The following FSTL5 variants were observed in gnomAD, a reference collection of about 807,000 sequenced individuals.
The protein encoded by FSTL5 is follistatin-related protein 5.
A neutral mutation model predicts 89.1 loss-of-function variants in FSTL5; 62 were observed. The ratio of observed to expected loss-of-function variants is 0.70; its 90% CI spans 0.57 to 0.86. The LOEUF is 0.86. FSTL5 is among the 40% of genes least tolerant of loss of function. The probability of loss-of-function intolerance (pLI) is 0.00; values close to 1 mark genes in which losing one functional copy is unlikely to be tolerated. For missense variants in FSTL5, 1,057 were observed against 1,001.6 expected (o/e 1.06, Z -0.75); for synonymous variants, 383 against 346.2 (o/e 1.11, Z -1.18).
chr4:161,863,727 C>T (rs778254812), intron 4 of FSTL5, among the ~76,000 whole-genome samples: 29 of 152,128 alleles, frequency 1.9e-4, no homozygotes, highest in Non-Finnish European at 3.2e-4. Flanking sequence ...GATAACCTTG[C>T]CACAATTCTA....
At chr4:161,634,640 CA>C (rs1049581869) in intron 7 of FSTL5, among the ~76,000 whole-genome samples, 21 of 151,932 alleles carry the variant, frequency 1.4e-4, no homozygotes, top group African/African-American at 4.8e-4. Context: ...AAGTCAGATA[CA>C]AAAAGACAAG....
At chr4:161,599,274 T>A (rs1734144504) in intron 7 of FSTL5, among the ~76,000 whole-genome samples, 1 of 152,132 alleles carries the variant, frequency 6.6e-6, no homozygotes, top group South Asian at 2.1e-4. Context: ...CTACTAGATT[T>A]ACAAAACTAA....
intron 3 of FSTL5, among the ~76,000 whole-genome samples, chr4:161,975,216 C>A (rs544014084): frequency 0.032 from 4,381 of 135,728 alleles, 113 homozygotes; most frequent in Admixed American, 0.041. Flanking sequence ...GGATCTAGAA[C>A]TAGAAATACC....
At position 161,433,040 on chromosome 4, in the gene FSTL5, C is replaced by A. The variant is rs191826025; in HGVS notation, c.1841+21964G>T. ...CCAACCATACTCAAACTTTTCCAAT[C>A]AATAGATGAGAAAATAATTCTAAAC... On this transcript the variant is annotated intron_variant, in intron 15 of 15. Transcript: ENST00000306100. Among the ~76,000 whole-genome samples the A allele has an allele frequency of 7.3e-5, 11 of 151,506 alleles. No individual in the cohort carries two copies. The East Asian group carries it at 2.1e-3, about 29-fold the overall frequency.
intron 6 of FSTL5, among the ~76,000 whole-genome samples, chr4:161,689,869 T>G (rs1234539390): frequency 6.6e-6 from 1 of 152,306 alleles, no homozygotes; most frequent in South Asian, 2.1e-4. Context: ...ATTTACCTAC[T>G]ATGGATATTC....
At chr4:162,158,531 A>C (rs1492463) in intron 1 of FSTL5, among the ~76,000 whole-genome samples, 95,871 of 151,778 alleles carry the variant, frequency 0.63, 30,363 homozygotes, top group Admixed American at 0.67. Context: ...AGTAAAAATG[A>C]TTAGTTTTGA....
At chr4:161,639,230 A>T (rs4560355) in intron 7 of FSTL5, among the ~76,000 whole-genome samples, 11,543 of 152,062 alleles carry the variant, frequency 0.076, 1,235 homozygotes, top group African/African-American at 0.24. Flanking sequence ...CAATCTAGGT[A>T]CTGTTAAAAA....
At chr4:161,681,869 T>A (rs1737537229) in intron 6 of FSTL5, among the ~76,000 whole-genome samples, 1 of 152,160 alleles carries the variant, frequency 6.6e-6, no homozygotes, top group Admixed American at 6.5e-5. Context: ...TATCACTTAA[T>A]GACAGCGATA....
intron 10 of FSTL5, among the ~76,000 whole-genome samples, chr4:161,537,704 G>A (rs1731672802): frequency 6.6e-6 from 1 of 152,146 alleles, no homozygotes; most frequent in African/African-American, 2.4e-5. Flanking sequence ...CCTTAGAGTG[G>A]CAGTTACCAC....
chr4:161,939,429 A>C (rs999644858), intron 3 of FSTL5, among the ~76,000 whole-genome samples: 2 of 151,910 alleles, frequency 1.3e-5, no homozygotes, highest in African/African-American at 4.8e-5. Flanking sequence ...GAATATTTTT[A>C]TTTAAGTCCC....
intron 13 of FSTL5, among the ~76,000 whole-genome samples, chr4:161,464,819 C>T (rs1278605213): frequency 1.3e-5 from 2 of 152,050 alleles, no homozygotes; most frequent in African/African-American, 4.8e-5. Context: ...AATTTCTCCT[C>T]TGATGTTGAA....
intron 4 of FSTL5, among the ~76,000 whole-genome samples, chr4:161,860,826 G>A (rs1731886848): frequency 6.6e-6 from 1 of 152,012 alleles, no homozygotes; most frequent in Non-Finnish European, 1.5e-5. Flanking sequence ...TGTAATACAA[G>A]TACTCACCTC....
chr4:161,809,465 A>C (rs950551692), intron 4 of FSTL5, among the ~76,000 whole-genome samples: 1 of 152,232 alleles, frequency 6.6e-6, no homozygotes, highest in African/African-American at 2.4e-5. Flanking sequence ...CATTTGATCC[A>C]GCAATTTCAC....
intron 10 of FSTL5, among the ~76,000 whole-genome samples, chr4:161,515,835 AT>A (rs1168113779): frequency 6.6e-6 from 1 of 151,078 alleles, no homozygotes; most frequent in Non-Finnish European, 1.5e-5. Flanking sequence ...TGTCTATGTG[AT>A]TACTGTGATG....
intron 1 of FSTL5, among the ~76,000 whole-genome samples, chr4:162,139,565 C>T (rs532920639): frequency 6.6e-6 from 1 of 152,024 alleles, no homozygotes; most frequent in South Asian, 2.1e-4. Context: ...GCAGACTTTG[C>T]ACATAAATGT....
At chr4:161,738,713 C>T (rs905298215) in intron 6 of FSTL5, among the ~76,000 whole-genome samples, 1 of 152,086 alleles carries the variant, frequency 6.6e-6, no homozygotes, top group Non-Finnish European at 1.5e-5. Flanking sequence ...TAATGCTTCA[C>T]ATACTTGGAA....
chr4:161,773,685 T>TA (rs967873506), intron 5 of FSTL5, among the ~76,000 whole-genome samples: 4 of 151,700 alleles, frequency 2.6e-5, no homozygotes, highest in South Asian at 2.1e-4. Flanking sequence ...TCTAAACTTT[T>TA]AAAAAAAATG....
intron 6 of FSTL5, among the ~76,000 whole-genome samples, chr4:161,731,120 T>G (rs914054785): frequency 6.6e-6 from 1 of 152,230 alleles, no homozygotes; most frequent in Admixed American, 6.5e-5. Context: ...GTTGCAAAAG[T>G]GATGTAGGCT....
At chr4:161,468,537 T>G (rs1021074172) in intron 13 of FSTL5, among the ~76,000 whole-genome samples, 1 of 152,104 alleles carries the variant, frequency 6.6e-6, no homozygotes, top group Non-Finnish European at 1.5e-5. Flanking sequence ...TCCCAGAGCA[T>G]GTGGAAAGAA....
Sources: gnomAD v4.1 joint callset for allele counts (sites outside exome capture counted in the v4.1 genomes callset) on GRCh38, gnomAD v4.1.1 for gene constraint, MANE v1.5 for transcripts, NCBI Gene and HGNC (gene_info 2026-07-23, HGNC 2026-07-21) for gene names.